SCARA3: variants seen among roughly 807,000 people sequenced by gnomAD.
SCARA3 encodes the protein scavenger receptor class A member 3, also known as cellular stress response gene protein.
A neutral mutation model predicts 47.0 loss-of-function variants in SCARA3; 39 were observed. The ratio of observed to expected loss-of-function variants is 0.83; its 90% CI spans 0.64 to 1.08. The LOEUF (loss-of-function observed/expected upper bound fraction) is 1.08, where lower values mean the gene tolerates loss of function less well. SCARA3 is among the 50% of genes least tolerant of loss of function. The pLI is 0.00. For missense variants in SCARA3, 724 were observed against 792.3 expected (o/e 0.91, Z 1.04); for synonymous variants, 356 against 334.1 (o/e 1.07, Z -0.71).
At chr8:27,689,489 C>T in the SCARA3 span, among the ~76,000 whole-genome samples, 1 of 152,176 alleles carries the variant, frequency 6.6e-6, no homozygotes, top group Admixed American at 6.5e-5. Context: ...CGGTGACCCA[C>T]TCATATCTCA....
chr8:27,660,011 T>C (rs1003124617), intron 5 of SCARA3, among the ~76,000 whole-genome samples: 1 of 152,070 alleles, frequency 6.6e-6, no homozygotes, highest in African/African-American at 2.4e-5. Context: ...CAAGTCCTAA[T>C]AGAGAAATAA....
intron 4 of SCARA3, 81 bp downstream of exon 4, chr8:27,656,961 G>A: frequency 1.1e-6 from 1 of 879,058 alleles, no homozygotes; most frequent in Non-Finnish European, 1.9e-6. Flanking sequence ...CAGTGCCCCA[G>A]CACCAAGCAA....
the SCARA3 span, among the ~76,000 whole-genome samples, chr8:27,687,105 C>A: frequency 8.6e-4 from 131 of 152,322 alleles, 4 homozygotes; most frequent in South Asian, 0.025. Context: ...GATAATACCA[C>A]CTTGATTGCA....
In SCARA3 at chr8:27,649,694, C is replaced by T. The variant is rs914987192; in HGVS notation, c.8-8C>T. On this transcript the variant is annotated splice_region_variant and splice_polypyrimidine_tract_variant and intron_variant, in intron 1 of 5. Transcript: ENST00000301904. The stretch of plus-strand genomic sequence containing the variant: ...GCTTTGGGTCTGACGGCACTGGCTT[C>T]ATTATAGTGAGGTCGGCCGGCGGCG... The T allele has an allele frequency of 6.2e-7, 1 of 1,613,848 alleles. No individual in the cohort carries two copies. The highest frequency in any genetic ancestry group is 1.3e-5 in the African/African-American group (1 of 75,050).
At chr8:27,666,299 G>T (rs963933284) in intron 5 of SCARA3, among the ~76,000 whole-genome samples, 6 of 152,226 alleles carry the variant, frequency 3.9e-5, no homozygotes, top group Non-Finnish European at 7.3e-5. Flanking sequence ...GAGGGGAAAA[G>T]ATGTCAGGCT....
chr8:27,713,447 G>A, the SCARA3 span, among the ~76,000 whole-genome samples: 6 of 152,264 alleles, frequency 3.9e-5, no homozygotes, highest in African/African-American at 7.2e-5. Context: ...AGCGTTTCAC[G>A]GAGATGTACT....
the SCARA3 span, among the ~76,000 whole-genome samples, chr8:27,699,806 C>T: frequency 7.2e-5 from 11 of 152,154 alleles, no homozygotes; most frequent in Non-Finnish European, 2.9e-5. Context: ...AAAAAAAAGA[C>T]TTACTCTAAA....
At chr8:27,721,054 A>G in the SCARA3 span, among the ~76,000 whole-genome samples, 21 of 151,824 alleles carry the variant, frequency 1.4e-4, no homozygotes, top group Admixed American at 1.2e-3. Context: ...CCTATTATCC[A>G]TCTACTCACC....
At chr8:27,733,790 T>G in the SCARA3 span, 4 of 152,178 alleles carry the variant, frequency 2.6e-5, no homozygotes, top group African/African-American at 9.7e-5. Context: ...CCTTTTCCAT[T>G]TTGCCACCCT....
chr8:27,726,709 T>A, the SCARA3 span, among the ~76,000 whole-genome samples: 4 of 152,014 alleles, frequency 2.6e-5, no homozygotes, highest in African/African-American at 7.2e-5. Flanking sequence ...TCAAAAAAAA[T>A]AAAAAATAAA....
the SCARA3 span, among the ~76,000 whole-genome samples, chr8:27,687,534 A>G: frequency 1.3e-5 from 2 of 152,184 alleles, no homozygotes; most frequent in Non-Finnish European, 2.9e-5. Context: ...GGGAGGACAG[A>G]AGGCAGGAAG....
At chr8:27,640,137 G>A (rs1049569323) in intron 1 of SCARA3, among the ~76,000 whole-genome samples, 1 of 152,160 alleles carries the variant, frequency 6.6e-6, no homozygotes, top group African/African-American at 2.4e-5. Context: ...GCAAGGGAAG[G>A]AGAAAAGATG....
chr8:27,647,355 C>T (rs1410029797), intron 1 of SCARA3, among the ~76,000 whole-genome samples: 1 of 152,162 alleles, frequency 6.6e-6, no homozygotes, highest in East Asian at 1.9e-4. Context: ...GATGTGAGAG[C>T]GCTTTCAAAG....
At chr8:27,682,035 G>A in the SCARA3 span, among the ~76,000 whole-genome samples, 3 of 152,054 alleles carry the variant, frequency 2.0e-5, no homozygotes, top group Non-Finnish European at 4.4e-5. Context: ...TACATTGCTT[G>A]TTACTATAAA....
At chr8:27,667,806 C>G (rs1294726227) in intron 5 of SCARA3, among the ~76,000 whole-genome samples, 2 of 152,206 alleles carry the variant, frequency 1.3e-5, no homozygotes, top group African/African-American at 2.4e-5. Flanking sequence ...AGCCGTGACA[C>G]GGGCAGCGAG....
chr8:27,647,319 A>G (rs1201303624), intron 1 of SCARA3, among the ~76,000 whole-genome samples: 1 of 152,178 alleles, frequency 6.6e-6, no homozygotes, highest in Non-Finnish European at 1.5e-5. Context: ...CTCTCAGACT[A>G]GTTGTAGGGA....
chr8:27,687,392 C>G, the SCARA3 span, among the ~76,000 whole-genome samples: 1 of 152,056 alleles, frequency 6.6e-6, no homozygotes, highest in Non-Finnish European at 1.5e-5. Flanking sequence ...TCTCCTTCCT[C>G]AATCTTGCAG....
At chr8:27,638,699 G>A (rs1585269862) in intron 1 of SCARA3, among the ~76,000 whole-genome samples, 1 of 152,162 alleles carries the variant, frequency 6.6e-6, no homozygotes, top group African/African-American at 2.4e-5. Flanking sequence ...TAAGGACTGA[G>A]GAAGCTACAA....
chr8:27,672,909 T>A lies in SCARA3; in HGVS notation c.*1558T>A, dbSNP rs564090317. On this transcript the variant is annotated 3_prime_UTR_variant, in exon 6 of 6. Transcript: ENST00000301904. ...TCCGCACCCTCCTGACTGTCCTGGATGTGCAACTGGTTTGCACTGCACACC... is the reference window on the plus strand; with the variant it reads ...TCCGCACCCTCCTGACTGTCCTGGAAGTGCAACTGGTTTGCACTGCACACC... 1.0e-6 allele frequency: 1 copy of A among 985,708 alleles called. No individual in the cohort carries two copies. Among genetic ancestry groups the A allele is most frequent in the East Asian group, 1.1e-4 (1 of 8,814 alleles). 61.1% of individuals were successfully genotyped at this position (985,708 alleles called of 1,614,324 possible). A position where few individuals can be genotyped will look rare whatever the true frequency, so the allele number is the denominator to read the frequency against.
Sources: gnomAD v4.1 joint callset for allele counts (sites outside exome capture counted in the v4.1 genomes callset) on GRCh38, gnomAD v4.1.1 for gene constraint, MANE v1.5 for transcripts, NCBI Gene and HGNC (gene_info 2026-07-23, HGNC 2026-07-21) for gene names.